Variants in GFRA2 observed in about 807,000 individuals in gnomAD.
The protein encoded by GFRA2 is GDNF family receptor alpha 2, also known as GDNF family receptor alpha-2.
In GFRA2, 17 loss-of-function variants were observed where a neutral mutation model predicts 48.3. That is an observed-to-expected ratio of 0.35 (90% CI 0.24 to 0.53). The LOEUF is 0.53. Among genes scored for constraint, GFRA2 ranks in the 20% least tolerant of loss-of-function variants. GFRA2 has a pLI of 0.93. For synonymous variants in GFRA2, 305 were observed against 257.2 expected, an observed-to-expected ratio of 1.19 and a Z score of -1.78; for missense variants, 660 against 637.3, an observed-to-expected ratio of 1.04 and a Z score of -0.38.
At chr8:21,725,857 C>G (rs1803843544) in intron 4 of GFRA2, among the ~76,000 whole-genome samples, 1 of 152,224 alleles carries the variant, frequency 6.6e-6, no homozygotes, top group Non-Finnish European at 1.5e-5. Context: ...CATCCAGCAT[C>G]ACCCGCTGGG....
chr8:21,769,350 C>T (rs1806335300), intron 3 of GFRA2: 1 of 155,608 alleles, frequency 6.4e-6, no homozygotes, highest in Admixed American at 6.6e-5. Context: ...AGATGTCACA[C>T]ACATGTGACA....
At position 21,788,102 on chromosome 8, in the gene GFRA2, C is replaced by A; in HGVS notation, c.40+18G>T. On this transcript the variant is annotated intron_variant, in intron 1 of 8. Transcript: ENST00000524240. The stretch of plus-strand genomic sequence containing the variant: ...GCTTCTCGCCTCCCCCTCGAGCTCG[C>A]CGCCCGCAGGTACTCACCTAGAAAG... 6.7e-7 allele frequency: 1 copy of A among 1,488,864 alleles called. No individual in the cohort carries two copies. The highest frequency in any genetic ancestry group is 9.1e-7 in the Non-Finnish European group (1 of 1,094,916). 92.2% of individuals were successfully genotyped at this position (1,488,864 alleles called of 1,614,324 possible).
At position 21,777,029 on chromosome 8, in the gene GFRA2, T is replaced by A. The variant is rs1160620082; in HGVS notation, c.356-1974A>T. 2.0e-5 allele frequency among the ~76,000 whole-genome samples: 3 copies of A among 152,214 alleles called. No homozygotes were observed. The East Asian group carries it at 5.8e-4, about 29-fold the overall frequency. ...GTGCCAGCACTGAAAGTGCTTTAGA[T>A]ATAGCTCATTTCATCCTCTTAACTA... On this transcript the variant is annotated intron_variant, in intron 2 of 8. Coordinates refer to ENST00000524240, the MANE Select transcript of GFRA2 (RefSeq NM_001495.5).
chr8:21,727,147 C>T (rs797005137), intron 4 of GFRA2, among the ~76,000 whole-genome samples: 1 of 152,206 alleles, frequency 6.6e-6, no homozygotes, highest in South Asian at 2.1e-4. Context: ...CATCATTCCC[C>T]TTCTGTTCCC....
chr8:21,733,194 C>T (rs11786395), intron 4 of GFRA2, among the ~76,000 whole-genome samples: 14,596 of 152,144 alleles, frequency 0.096, 823 homozygotes, highest in Middle Eastern at 0.17. Context: ...TGAAATGTTC[C>T]GCATCCCAGG....
At chr8:21,754,403 G>A (rs1414721163) in intron 3 of GFRA2, among the ~76,000 whole-genome samples, 1 of 152,134 alleles carries the variant, frequency 6.6e-6, no homozygotes, top group East Asian at 1.9e-4. Flanking sequence ...ATCAACACAG[G>A]ACCATGTGGG....
chr8:21,703,426 G>T (rs2117359467), intron 6 of GFRA2, among the ~76,000 whole-genome samples: 1 of 152,012 alleles, frequency 6.6e-6, no homozygotes, highest in East Asian at 2.0e-4. Flanking sequence ...TGGCATGCAG[G>T]GGTCCCACAT....
chr8:21,712,993 C>T (rs879548092), intron 4 of GFRA2, among the ~76,000 whole-genome samples: 4 of 139,284 alleles, frequency 2.9e-5, no homozygotes, highest in Non-Finnish European at 4.6e-5. Flanking sequence ...AGAGGGAGAC[C>T]GTGGAAAGAG....
At chr8:21,798,195 G>A (rs1242209395) in intron 2 of GFRA2, among the ~76,000 whole-genome samples, 1 of 152,198 alleles carries the variant, frequency 6.6e-6, no homozygotes, top group Non-Finnish European at 1.5e-5. Flanking sequence ...TGACTCCTGG[G>A]AGAACATCCC....
chr8:21,699,788 G>T (rs953440312), intron 7 of GFRA2, among the ~76,000 whole-genome samples: 1 of 152,202 alleles, frequency 6.6e-6, no homozygotes, highest in African/African-American at 2.4e-5. Context: ...AGGACAGCAG[G>T]GAGTTTCAAT....
intron 2 of GFRA2, among the ~76,000 whole-genome samples, chr8:21,804,286 T>C (rs1807821508): frequency 6.6e-6 from 1 of 152,122 alleles, no homozygotes; most frequent in Admixed American, 6.6e-5. Flanking sequence ...GTTCTGACAC[T>C]AGTTACATAA....
At position 21,788,414 on chromosome 8, in the gene GFRA2, A is replaced by G. The variant is rs899473390; in HGVS notation, c.-255T>C. 42 of 1,292,624 alleles carry G rather than the reference A, an allele frequency of 3.2e-5. No homozygotes were observed. Among genetic ancestry groups the G allele is most frequent in the South Asian group, 4.2e-5 (2 of 47,512 alleles). 80.1% of individuals were successfully genotyped at this position (1,292,624 alleles called of 1,614,324 possible). On this transcript the variant is annotated 5_prime_UTR_variant, in exon 1 of 9. Transcript: ENST00000524240. ...GCCCGCTACAATCAAATATACGCGT[A>G]TCTGTGTATCGGCTTTCTAAGCCAA...
At chr8:21,714,246 C>CCTTTTTTT (rs1554487214) in intron 4 of GFRA2, among the ~76,000 whole-genome samples, 1 of 78,402 alleles carries the variant, frequency 1.3e-5, no homozygotes, top group East Asian at 4.7e-4. Context: ...GTCTGAAGTT[C>CCTTTTTTT]TTTTTTTTTT....
chr8:21,784,913 C>T (rs1807193530), intron 1 of GFRA2, among the ~76,000 whole-genome samples: 2 of 152,164 alleles, frequency 1.3e-5, no homozygotes, highest in Admixed American at 1.3e-4. Flanking sequence ...ACAGCCGGGC[C>T]CCCCAAGAGC....
Position 21,692,448 on chromosome 8 carries a change from C to A in GFRA2, c.*830G>T, listed in dbSNP as rs1801920808. ...CGGCTGTGGTCTCTCCCCTCCCTCT[C>A]CCCAAAGGGAGGCCTGCCAAAGGAC... On this transcript the variant is annotated 3_prime_UTR_variant, in exon 9 of 9. Transcript: ENST00000524240. 6.6e-6 allele frequency: 1 copy of A among 152,094 alleles called. No homozygotes were observed. The highest frequency in any genetic ancestry group is 2.4e-5 in the African/African-American group (1 of 41,412). The allele number at this position is 152,094 out of a possible 1,614,324, so 9.4% of individuals were successfully genotyped here.
In GFRA2 at chr8:21,704,978, A is replaced by G; in HGVS notation, c.1045+7T>C. The G allele has an allele frequency of 6.2e-7, 1 of 1,607,068 alleles. No individual in the cohort carries two copies. Among genetic ancestry groups the G allele is most frequent in the Non-Finnish European group, 8.5e-7 (1 of 1,176,790 alleles). On this transcript the variant is annotated splice_region_variant and intron_variant, in intron 6 of 8. Coordinates refer to ENST00000524240, the MANE Select transcript of GFRA2 (RefSeq NM_001495.5). ...TGCTGGGGTTGGGGAGAACATCCAGAACTTACGGAGGCATGGGTTCTCGGT... is the reference window on the plus strand; with the variant it reads ...TGCTGGGGTTGGGGAGAACATCCAGGACTTACGGAGGCATGGGTTCTCGGT...
At chr8:21,763,961 AC>A in intron 3 of GFRA2, among the ~76,000 whole-genome samples, 1 of 4,018 alleles carries the variant, frequency 2.5e-4, no homozygotes, top group Non-Finnish European at 6.6e-4. Context: ...ACACACACAC[AC>A]ACACACACAC....
At chr8:21,801,674 G>T (rs1457426902) in intron 2 of GFRA2, among the ~76,000 whole-genome samples, 2 of 152,038 alleles carry the variant, frequency 1.3e-5, no homozygotes, top group East Asian at 3.9e-4. Context: ...TAAAGGAAGT[G>T]GGTTTTTAGA....
chr8:21,788,251 G>T lies in GFRA2; in HGVS notation c.-92C>A. On this transcript the variant is annotated 5_prime_UTR_variant, in exon 1 of 9. Coordinates refer to ENST00000524240, the MANE Select transcript of GFRA2 (RefSeq NM_001495.5). ...CAACAATAATAATAGGCAAGCAGTG[G>T]TAATCAGCCCCAAATCCAATGCGGA... 6.5e-7 allele frequency: 1 copy of T among 1,532,878 alleles called. No homozygotes were observed. The highest frequency in any genetic ancestry group is 2.6e-5 in the East Asian group (1 of 38,656). 95.0% of individuals were successfully genotyped at this position (1,532,878 alleles called of 1,614,324 possible). A position where few individuals can be genotyped will look rare whatever the true frequency, so the allele number is the denominator to read the frequency against.
Sources: gnomAD v4.1 joint callset for allele counts (sites outside exome capture counted in the v4.1 genomes callset) on GRCh38, gnomAD v4.1.1 for gene constraint, MANE v1.5 for transcripts, NCBI Gene and HGNC (gene_info 2026-07-23, HGNC 2026-07-21) for gene names.